Variants in PCDHA1 observed in about 807,000 individuals in gnomAD.
PCDHA1 encodes protocadherin alpha-1.
In PCDHA1, 42 loss-of-function variants were observed where a neutral mutation model predicts 61.3. The ratio of observed to expected loss-of-function variants is 0.69; its 90% CI spans 0.54 to 0.89. The LOEUF (loss-of-function observed/expected upper bound fraction) is 0.89. Among genes scored for constraint, PCDHA1 ranks in the 40% least tolerant of loss-of-function variants. The pLI is 0.00. For missense variants in PCDHA1, 1,256 were observed against 1,235.3 expected, an observed-to-expected ratio of 1.02 and a Z score of -0.25; for synonymous variants, 610 against 553.8, an observed-to-expected ratio of 1.10 and a Z score of -1.43.
In PCDHA1 at chr5:141,011,794, G is replaced by A. The variant is rs782200485; in HGVS notation, c.*1857G>A. 2 of 153,664 alleles carry A rather than the reference G, an allele frequency of 1.3e-5. No individual in the cohort carries two copies. The highest frequency in any genetic ancestry group is 2.9e-5 in the Non-Finnish European group (2 of 68,028). The allele number at this position is 153,664 out of a possible 1,614,324, so 9.5% of individuals were successfully genotyped here. ...ATGCTTTGAAATTCTAATGGTATCT[G>A]AAATATCAGCTCATAGAAAGTAACA... On this transcript the variant is annotated 3_prime_UTR_variant, in exon 4 of 4. Coordinates refer to ENST00000504120, the MANE Select transcript of PCDHA1 (RefSeq NM_018900.4).
intron 1 of PCDHA1, chr5:140,804,289 CTTTAG>C (rs1763373748): frequency 6.6e-6 from 1 of 152,004 alleles, no homozygotes; most frequent in South Asian, 2.1e-4. Context: ...CTTTGTTCAT[CTTTAG>C]TTTATCACTA....
chr5:140,801,617 G>GT, intron 1 of PCDHA1: 1 of 1,614,148 alleles, frequency 6.2e-7, no homozygotes. Context: ...TAAAGAATCT[G>GT]TTTATTTCCG....
At position 140,802,367 on chromosome 5, in the gene PCDHA1, G is replaced by A. The variant is rs782105993; in HGVS notation, c.2394+13683G>A. The A allele has an allele frequency of 6.8e-6, 11 of 1,614,224 alleles. No individual in the cohort carries two copies. The South Asian group carries it at 9.9e-5, about 15-fold the overall frequency. On this transcript the variant is annotated intron_variant, in intron 1 of 3. Transcript: ENST00000504120. Reference sequence around the variant, plus strand: ...ATGGACAGGTCACCTGCTCGCTGACGCCCCACGTCCCCTTCAAGCTGGTGT... The same window carrying A: ...ATGGACAGGTCACCTGCTCGCTGACACCCCACGTCCCCTTCAAGCTGGTGT...
chr5:140,910,058 T>A (rs571957156), intron 1 of PCDHA1, among the ~76,000 whole-genome samples: 5 of 152,344 alleles, frequency 3.3e-5, no homozygotes, highest in African/African-American at 9.6e-5. Flanking sequence ...TAAGTGATCT[T>A]TTAACAGCGT....
chr5:140,868,889 C>A, intron 1 of PCDHA1: 1 of 744,508 alleles, frequency 1.3e-6, no homozygotes, highest in Non-Finnish European at 2.1e-6. Flanking sequence ...CAGTTTTAGG[C>A]GCAAGGTGTC....
chr5:140,907,705 G>A (rs2073545190), intron 1 of PCDHA1, among the ~76,000 whole-genome samples: 1 of 152,204 alleles, frequency 6.6e-6, no homozygotes, highest in Non-Finnish European at 1.5e-5. Context: ...CCCTGTTGCT[G>A]AGCCCATGTG....
At chr5:140,861,374 T>C in intron 1 of PCDHA1, 1 of 409,110 alleles carries the variant, frequency 2.4e-6, no homozygotes, top group Middle Eastern at 9.4e-4. Context: ...CGGTCCCTAT[T>C]GCGCAGGACC....
intron 1 of PCDHA1, among the ~76,000 whole-genome samples, chr5:140,964,979 G>A (rs1325298604): frequency 1.3e-5 from 2 of 152,204 alleles, no homozygotes; most frequent in African/African-American, 4.8e-5. Flanking sequence ...GGATGTGCTA[G>A]TTCAGGCCTT....
chr5:140,860,681 T>G (rs2046516125), intron 1 of PCDHA1: 1 of 152,216 alleles, frequency 6.6e-6, no homozygotes, highest in Non-Finnish European at 1.5e-5. Context: ...TGCACTTATG[T>G]TTTGAGCGAC....
chr5:140,882,263 T>G (rs1554173290), intron 1 of PCDHA1: 3 of 1,604,900 alleles, frequency 1.9e-6, no homozygotes. Context: ...GTTTTTGGAG[T>G]GTACCATGCT....
chr5:140,953,842 T>A (rs1369287853), intron 1 of PCDHA1, among the ~76,000 whole-genome samples: 2 of 152,214 alleles, frequency 1.3e-5, no homozygotes, highest in Non-Finnish European at 2.9e-5. Flanking sequence ...GTTACCCAGG[T>A]AAACATGTGC....
At chr5:140,887,767 A>G (rs782237653) in intron 1 of PCDHA1, among the ~76,000 whole-genome samples, 6 of 152,194 alleles carry the variant, frequency 3.9e-5, no homozygotes, top group African/African-American at 7.2e-5. Context: ...CATATGTTAC[A>G]ATGACACAGG....
chr5:140,790,823 TA>T (rs1397807830), intron 1 of PCDHA1, among the ~76,000 whole-genome samples: 1 of 152,202 alleles, frequency 6.6e-6, no homozygotes, highest in Non-Finnish European at 1.5e-5. Flanking sequence ...GAATCACAAA[TA>T]ATAGTGAATT....
At chr5:140,793,313 T>G (rs1761764578) in intron 1 of PCDHA1, among the ~76,000 whole-genome samples, 1 of 152,208 alleles carries the variant, frequency 6.6e-6, no homozygotes, top group African/African-American at 2.4e-5. Context: ...AACCAGTAAT[T>G]AATTACCCAT....
At chr5:140,829,107 G>C (rs1554131755) in intron 1 of PCDHA1, 2 of 1,612,092 alleles carry the variant, frequency 1.2e-6, no homozygotes, top group Admixed American at 3.3e-5. Context: ...GTTTTAGTGA[G>C]AATTTTGGAT....
Position 141,010,123 on chromosome 5 carries a change from A to G in PCDHA1, c.*186A>G, listed in dbSNP as rs782357783. The G allele has an allele frequency of 3.7e-6, 6 of 1,605,822 alleles. No individual in the cohort carries two copies. In the East Asian group the frequency reaches 1.3e-4, roughly 36 times the overall value. On this transcript the variant is annotated 3_prime_UTR_variant, in exon 4 of 4. Transcript: ENST00000504120. ...AGGTTTTGTCGTAAAAGCTTTACTA[A>G]GTCTGGTGTTAACTCTTTCTCTCCA...
chr5:140,908,351 AACTT>A (rs1422870011), intron 1 of PCDHA1, among the ~76,000 whole-genome samples: 5 of 152,154 alleles, frequency 3.3e-5, no homozygotes, highest in African/African-American at 1.2e-4. Context: ...TACCTCATGT[AACTT>A]ACTTGTGCCT....
intron 1 of PCDHA1, chr5:140,869,142 A>G: frequency 6.2e-7 from 1 of 1,613,402 alleles, no homozygotes; most frequent in Non-Finnish European, 8.5e-7. Context: ...GCACCCCACG[A>G]CTACAGCTCT....
At chr5:140,854,372 C>A in intron 1 of PCDHA1, 1 of 156,718 alleles carries the variant, frequency 6.4e-6, no homozygotes, top group South Asian at 2.0e-4. Context: ...TATTTTGATA[C>A]ATAACTCATT....
Sources: gnomAD v4.1 joint callset for allele counts (sites outside exome capture counted in the v4.1 genomes callset) on GRCh38, gnomAD v4.1.1 for gene constraint, MANE v1.5 for transcripts, NCBI Gene and HGNC (gene_info 2026-07-23, HGNC 2026-07-21) for gene names.